The following SLC43A2 variants were observed in gnomAD, a reference collection of about 807,000 sequenced individuals.
The protein encoded by SLC43A2 is solute carrier family 43 member 2.
In SLC43A2, 38 loss-of-function variants were observed where a neutral mutation model predicts 63.2. The ratio of observed to expected loss-of-function variants is 0.60; its 90% CI spans 0.46 to 0.79. The LOEUF (loss-of-function observed/expected upper bound fraction) is 0.79, where lower values mean the gene tolerates loss of function less well. SLC43A2 is among the 30% of genes least tolerant of loss of function. SLC43A2 has a pLI of 0.00. For synonymous variants in SLC43A2, 322 were observed against 331.0 expected (o/e 0.97, Z 0.30); for missense variants, 644 against 756.2 (o/e 0.85, Z 1.74).
chr17:1,602,318 A>T (rs528784914), intron 5 of SLC43A2, among the ~76,000 whole-genome samples: 1 of 152,182 alleles, frequency 6.6e-6, no homozygotes, highest in East Asian at 1.9e-4. Flanking sequence ...ATCTTTGTAT[A>T]TTGATTTTGT....
rs1281068105 is a variant in SLC43A2, at chr17:1,573,955, T to C, written c.*1649A>G. On this transcript the variant is annotated 3_prime_UTR_variant, in exon 14 of 14. Coordinates refer to ENST00000301335, the MANE Select transcript of SLC43A2 (RefSeq NM_152346.3). ...TTTGAGTGAAATAAAGCCTAGGAGA[T>C]ATGTGTTCCAGGCGCCCAAGCTGTT... The C allele has an allele frequency of 1.3e-5, 2 of 152,162 alleles. No individual in the cohort carries two copies. Among genetic ancestry groups the C allele is most frequent in the East Asian group, 3.8e-4 (2 of 5,204 alleles). The allele number at this position is 152,162 out of a possible 1,614,324, so 9.4% of individuals were successfully genotyped here. A position where few individuals can be genotyped will look rare whatever the true frequency, so the allele number is the denominator to read the frequency against.
chr17:1,599,155 A>G lies in SLC43A2; in HGVS notation c.502-5876T>C, dbSNP rs191629253. Reference sequence around the variant, plus strand: ...CGAGATCGAGACCATCCTGGCCAACATGGTGAAACCCCATCTCTATTAAAA... The same window carrying G: ...CGAGATCGAGACCATCCTGGCCAACGTGGTGAAACCCCATCTCTATTAAAA... On this transcript the variant is annotated intron_variant, in intron 5 of 13. Coordinates refer to ENST00000301335, the MANE Select transcript of SLC43A2 (RefSeq NM_152346.3). Among the ~76,000 whole-genome samples, 24 of 152,184 alleles carry G rather than the reference A, an allele frequency of 1.6e-4. 1 individual carries two copies. The South Asian group carries it at 2.1e-3, about 13-fold the overall frequency.
intron 13 of SLC43A2, among the ~76,000 whole-genome samples, chr17:1,576,054 C>T (rs1262734202): frequency 7.9e-6 from 1 of 125,980 alleles, no homozygotes; most frequent in Non-Finnish European, 1.7e-5. Flanking sequence ...GGAGGTGGGG[C>T]GGGGACAGGA....
chr17:1,579,713 C>T (rs1340170732), intron 11 of SLC43A2, among the ~76,000 whole-genome samples: 2 of 149,554 alleles, frequency 1.3e-5, no homozygotes, highest in Admixed American at 6.7e-5. Context: ...GGTACGTGCC[C>T]GTAGTCCCAG....
At chr17:1,580,300 G>A (rs1408525873) in intron 11 of SLC43A2, among the ~76,000 whole-genome samples, 1 of 152,222 alleles carries the variant, frequency 6.6e-6, no homozygotes, top group Non-Finnish European at 1.5e-5. Context: ...ATGGGCAGCT[G>A]GAAATCAGCC....
chr17:1,611,433 G>A (rs1030251185), intron 5 of SLC43A2, among the ~76,000 whole-genome samples: 1 of 152,088 alleles, frequency 6.6e-6, no homozygotes, highest in African/African-American at 2.4e-5. Flanking sequence ...TCAGGGGTAT[G>A]AGACCAGCCT....
intron 6 of SLC43A2, among the ~76,000 whole-genome samples, chr17:1,592,430 C>T (rs893198593): frequency 6.6e-6 from 1 of 152,134 alleles, no homozygotes; most frequent in African/African-American, 2.4e-5. Flanking sequence ...CTGTTCCCCC[C>T]CAAAAAAAGG....
chr17:1,596,885 A>T (rs1905327811), intron 5 of SLC43A2, among the ~76,000 whole-genome samples: 6 of 152,270 alleles, frequency 3.9e-5, no homozygotes, highest in Admixed American at 3.9e-4. Flanking sequence ...AATCAAAGCC[A>T]CAATGAGATA....
At chr17:1,586,989 CAGAA>C in intron 9 of SLC43A2, 1 of 1,338,150 alleles carries the variant, frequency 7.5e-7, no homozygotes, top group South Asian at 1.3e-5. Flanking sequence ...AGTGAAAAAG[CAGAA>C]AGAAGAGAGG....
At chr17:1,588,334 C>T (rs1229852146) in intron 9 of SLC43A2, among the ~76,000 whole-genome samples, 1 of 151,292 alleles carries the variant, frequency 6.6e-6, no homozygotes, top group Non-Finnish European at 1.5e-5. Flanking sequence ...TGCAGTGAGC[C>T]GAGCTCATGC....
rs1436802140 is a variant in SLC43A2 at position 1,577,882 on chromosome 17, T to G, written c.1424+368A>C. Among the ~76,000 whole-genome samples, 1 of 152,152 alleles carries G rather than the reference T, an allele frequency of 6.6e-6. No individual in the cohort carries two copies. The highest frequency in any genetic ancestry group is 1.9e-4 in the East Asian group (1 of 5,196). On this transcript the variant is annotated intron_variant, in intron 12 of 13. Coordinates refer to ENST00000301335, the MANE Select transcript of SLC43A2 (RefSeq NM_152346.3). This position sits in a 1 kb window ranked among gnomAD's most constrained non-coding sequence, Gnocchi z 4.9. ...GGCAACTGGAACTTCCGCATTTAGC[T>G]TCAGGCAGCCAGAACCTACCCATCC... is the stretch of plus-strand genomic sequence containing the variant.
intron 6 of SLC43A2, 30 bp from the exon 7 acceptor site, chr17:1,591,729 G>GA: frequency 2.3e-6 from 2 of 854,774 alleles, no homozygotes; most frequent in South Asian, 1.4e-5. Flanking sequence ...CGGGGTGGGG[G>GA]GGGGAGGGGG....
At chr17:1,615,681 A>G (rs1335209650) in intron 3 of SLC43A2, among the ~76,000 whole-genome samples, 1 of 149,378 alleles carries the variant, frequency 6.7e-6, no homozygotes, top group Non-Finnish European at 1.5e-5. Context: ...GTCTCTACTA[A>G]AAATACAAAA....
At chr17:1,585,196 C>T in intron 10 of SLC43A2, 1 of 994,222 alleles carries the variant, frequency 1.0e-6, no homozygotes, top group South Asian at 4.4e-5. Context: ...TGTCTGTACA[C>T]TTTCACCTGT....
At chr17:1,581,845 G>A (rs890637377) in intron 11 of SLC43A2, among the ~76,000 whole-genome samples, 124 of 145,354 alleles carry the variant, frequency 8.5e-4, no homozygotes, top group Middle Eastern at 3.6e-3. Flanking sequence ...TCACTCTGTC[G>A]CCCAGGCTGG....
chr17:1,594,114 C>T (rs895739600), intron 5 of SLC43A2, among the ~76,000 whole-genome samples: 9 of 152,234 alleles, frequency 5.9e-5, no homozygotes, highest in South Asian at 2.1e-4. Context: ...CGTGAGCCAC[C>T]GCGCCCGGCC....
Position 1,627,886 on chromosome 17 carries a change from G to A in SLC43A2, c.-12C>T, listed in dbSNP as rs1305622244. On this transcript the variant is annotated 5_prime_UTR_variant, in exon 2 of 14. Coordinates refer to ENST00000301335, the MANE Select transcript of SLC43A2 (RefSeq NM_152346.3). ...AGGGTGGGCGCCATGGTGCGGCGCG[G>A]CGCGGCTCCGGCTCCGGCTCCGGCT... 1.9e-6 allele frequency: 3 copies of A among 1,548,324 alleles called. No individual in the cohort carries two copies. Among genetic ancestry groups the A allele is most frequent in the Non-Finnish European group, 1.7e-6 (2 of 1,147,490 alleles).
chr17:1,576,950 C>T (rs1391181884), intron 12 of SLC43A2, among the ~76,000 whole-genome samples: 5 of 151,812 alleles, frequency 3.3e-5, no homozygotes, highest in African/African-American at 4.8e-5. Context: ...CTGCAACCTC[C>T]GCCTCCCCAG....
rs1394930270 is a variant in SLC43A2, at chr17:1,583,407, G to A, written c.1218-71C>T. ...AAGCCGGGTGCTCCTGAGAAGTCAG[G>A]CCTCAAGCGTCGCAGCAGGTAAACT... On this transcript the variant is annotated intron_variant, in intron 10 of 13. Transcript: ENST00000301335. This position sits in a 1 kb window ranked among gnomAD's most constrained non-coding sequence, Gnocchi z 5.5. 14 of 1,591,888 alleles carry A rather than the reference G, an allele frequency of 8.8e-6. No homozygotes were observed. Among genetic ancestry groups the A allele is most frequent in the African/African-American group, 1.3e-5 (1 of 74,392 alleles).
Sources: gnomAD v4.1 joint callset for allele counts (sites outside exome capture counted in the v4.1 genomes callset) on GRCh38, gnomAD v4.1.1 for gene constraint, Gnocchi (gnomAD v3.1) non-coding constraint, MANE v1.5 for transcripts, NCBI Gene and HGNC (gene_info 2026-07-23, HGNC 2026-07-21) for gene names.